The following UBN2 variants were observed in gnomAD, a reference collection of about 807,000 sequenced individuals.
The protein encoded by UBN2 is ubinuclein-2.
A neutral mutation model predicts 120.2 loss-of-function variants in UBN2; 35 were observed. The ratio of observed to expected loss-of-function variants is 0.29; its 90% confidence interval spans 0.22 to 0.39. The LOEUF is 0.39. Ranked by LOEUF, UBN2 falls within the 10% of genes least tolerant of loss-of-function variation. UBN2 has a pLI of 1.00. For missense variants in UBN2, 1,693 were observed against 1,663.2 expected (o/e 1.02, Z -0.31); for synonymous variants, 661 against 648.7 (o/e 1.02, Z -0.29).
intron 2 of UBN2, among the ~76,000 whole-genome samples, chr7:139,238,243 C>T (rs1796217060): frequency 6.6e-6 from 1 of 152,062 alleles, no homozygotes; most frequent in South Asian, 2.1e-4. Flanking sequence ...GGCCTTGTAC[C>T]CTCAAGATAC....
chr7:139,266,235 A>AG (rs1030151127), intron 6 of UBN2, 98 bp from the exon 7 acceptor site: 1 of 774,064 alleles, frequency 1.3e-6, no homozygotes, highest in African/African-American at 1.8e-5. Flanking sequence ...TCAAAAAAAA[A>AG]AAAAAAAAAA....
At position 139,297,316 on chromosome 7, in the gene UBN2, A is replaced by C. The variant is rs1798137273; in HGVS notation, c.3995-471A>C. ...TTTCACTACAGATGAAAAGTTTGCT[A>C]CGTTTGTTTACACAAATAATCAGGA... On this transcript the variant is annotated intron_variant, in intron 17 of 17. Transcript: ENST00000473989. 2.6e-5 allele frequency among the ~76,000 whole-genome samples: 4 copies of C among 152,114 alleles called. No individual in the cohort carries two copies. The South Asian group carries it at 8.3e-4, about 32-fold the overall frequency.
Position 139,302,129 on chromosome 7 carries a change from A to G in UBN2, c.*4293A>G, listed in dbSNP as rs1387597050. On this transcript the variant is annotated 3_prime_UTR_variant, in exon 18 of 18. Coordinates refer to ENST00000473989, the MANE Select transcript of UBN2 (RefSeq NM_173569.4). ...TCCTCTCTTTTGAAACTGTTGTCAC[A>G]TTATCTTAAAGTACAGACTGATAAG... 1 of 152,010 alleles carries G rather than the reference A, an allele frequency of 6.6e-6. No individual in the cohort carries two copies. The highest frequency in any genetic ancestry group is 1.5e-5 in the Non-Finnish European group (1 of 68,022). 9.4% of individuals were successfully genotyped at this position (152,010 alleles called of 1,614,324 possible).
chr7:139,274,784 A>G (rs1237033116), intron 11 of UBN2, among the ~76,000 whole-genome samples: 3 of 151,596 alleles, frequency 2.0e-5, no homozygotes, highest in East Asian at 2.0e-4. Flanking sequence ...AAAGAAAAAG[A>G]AAAAAGAAAA....
downstream of UBN2, among the ~76,000 whole-genome samples, chr7:139,309,007 C>A (rs1220495113): frequency 6.6e-6 from 1 of 152,108 alleles, no homozygotes; most frequent in African/African-American, 2.4e-5. Context: ...GAGTCAGAAC[C>A]AGTGAGCCGA....
At chr7:139,293,485 G>A in intron 16 of UBN2, 22 bp downstream of exon 16, 1 of 1,606,536 alleles carries the variant, frequency 6.2e-7, no homozygotes, top group Non-Finnish European at 8.5e-7. Context: ...TCTTCTATTT[G>A]GTTGGGCTGT....
In UBN2 at chr7:139,251,925, C is replaced by G. The variant is rs150825186; in HGVS notation, c.562-31C>G. ...AACTTTATGGAAACAGCATGAGTACCAAATCAGTCTAATGTATCTGTTCTT... is the reference window on the plus strand; with the variant it reads ...AACTTTATGGAAACAGCATGAGTACGAAATCAGTCTAATGTATCTGTTCTT... On this transcript the variant is annotated intron_variant, in intron 2 of 17. Transcript: ENST00000473989. 531 of 1,593,138 alleles carry G rather than the reference C, an allele frequency of 3.3e-4. 2 individuals carry two copies. The African/African-American group carries it at 6.5e-3, about 19-fold the overall frequency.
At chr7:139,274,629 G>A (rs1797385837) in intron 11 of UBN2, among the ~76,000 whole-genome samples, 1 of 152,016 alleles carries the variant, frequency 6.6e-6, no homozygotes, top group Non-Finnish European at 1.5e-5. Context: ...AGGCGTGGTG[G>A]CGCATGCCTG....
At chr7:139,293,205 G>C in intron 15 of UBN2, 27 bp from the exon 16 acceptor site, 1 of 1,585,998 alleles carries the variant, frequency 6.3e-7, no homozygotes, top group Non-Finnish European at 8.7e-7. Flanking sequence ...TATTTCTTAT[G>C]TATTTTGACC....
intron 2 of UBN2, among the ~76,000 whole-genome samples, chr7:139,241,450 A>T (rs529143346): frequency 6.6e-6 from 1 of 152,220 alleles, no homozygotes; most frequent in Non-Finnish European, 1.5e-5. Context: ...AAATCTGCTT[A>T]CTGTGCTATA....
chr7:139,305,687 T>G lies in UBN2; in HGVS notation c.*7851T>G, dbSNP rs1225621319. On this transcript the variant is annotated 3_prime_UTR_variant, in exon 18 of 18. Coordinates refer to ENST00000473989, the MANE Select transcript of UBN2 (RefSeq NM_173569.4). ...AATGCTTTTCAGAATCGCAGTAGTA[T>G]TATTAGGGTCTCTGTGTCTAGGACT... 3 of 152,182 alleles carry G rather than the reference T, an allele frequency of 2.0e-5. No homozygotes were observed. The highest frequency in any genetic ancestry group is 4.4e-5 in the Non-Finnish European group (3 of 68,042). 9.4% of individuals were successfully genotyped at this position (152,182 alleles called of 1,614,324 possible). A position where few individuals can be genotyped will look rare whatever the true frequency, so the allele number is the denominator to read the frequency against.
intron 3 of UBN2, among the ~76,000 whole-genome samples, chr7:139,255,551 T>C (rs921258264): frequency 6.6e-5 from 10 of 152,196 alleles, no homozygotes; most frequent in Non-Finnish European, 1.3e-4. Context: ...GTTCCTGTTT[T>C]ATAAGAAGAA....
chr7:139,280,634 CTTCTTT>C (rs1014652348), intron 13 of UBN2, among the ~76,000 whole-genome samples: 11 of 151,820 alleles, frequency 7.2e-5, no homozygotes, highest in African/African-American at 2.4e-4. Context: ...GGTAAATAGT[CTTCTTT>C]TTCTTTTTCT....
downstream of UBN2, among the ~76,000 whole-genome samples, chr7:139,310,808 A>T (rs989680557): frequency 2.6e-5 from 4 of 152,224 alleles, no homozygotes; most frequent in Non-Finnish European, 5.9e-5. Context: ...GCATACGTAT[A>T]CACTGTATCT....
At chr7:139,320,795 G>T in the UBN2 span, among the ~76,000 whole-genome samples, 1 of 151,342 alleles carries the variant, frequency 6.6e-6, no homozygotes, top group African/African-American at 2.4e-5. Flanking sequence ...GGCGGAGGTT[G>T]CAGTGAGCCA....
Position 139,269,419 on chromosome 7 carries a change from G to A in UBN2, c.1492G>A (p.Gly498Ser). The A allele has an allele frequency of 2.5e-6, 4 of 1,614,014 alleles. No homozygotes were observed. Among genetic ancestry groups the A allele is most frequent in the Non-Finnish European group, 3.4e-6 (4 of 1,180,000 alleles). ...CATTGAGTTACAGCTACAAGAACTA[G>A]GCCCTGTCATTCGCAGTGGTGTCTA... ...LDIELQLQEL[G>S]PVIRSGVYSH... Residue 498 changes from glycine (G) to serine (S), a missense_variant, in exon 8 of 18, where the codon GGC (glycine) becomes AGC (serine). Gly to Ser is a moderately conservative substitution (Grantham distance 56). Coordinates refer to ENST00000473989, the MANE Select transcript of UBN2 (RefSeq NM_173569.4).
chr7:139,245,092 C>G (rs992339912), intron 2 of UBN2, among the ~76,000 whole-genome samples: 1 of 148,578 alleles, frequency 6.7e-6, no homozygotes, highest in African/African-American at 2.5e-5. Flanking sequence ...CATCACCATG[C>G]CCAGCTTTTT....
chr7:139,297,899 G>A lies in UBN2; in HGVS notation c.*63G>A. 6.4e-7 allele frequency: 1 copy of A among 1,558,624 alleles called. No individual in the cohort carries two copies. Among genetic ancestry groups the A allele is most frequent in the Non-Finnish European group, 8.8e-7 (1 of 1,130,232 alleles). On this transcript the variant is annotated 3_prime_UTR_variant, in exon 18 of 18. Coordinates refer to ENST00000473989, the MANE Select transcript of UBN2 (RefSeq NM_173569.4). ...CTGATGGAATCTACCTGATGGGAAA[G>A]TACTTATGTGGTCATAGGGCTGCTG... is the stretch of plus-strand genomic sequence containing the variant.
chr7:139,269,657 A>G (rs1797203432), intron 8 of UBN2, 134 bp downstream of exon 8: 9 of 970,744 alleles, frequency 9.3e-6, no homozygotes, highest in Non-Finnish European at 1.3e-5. Flanking sequence ...GGAGGTTATT[A>G]AAAGTATGTT....
Sources: gnomAD v4.1 joint callset for allele counts (sites outside exome capture counted in the v4.1 genomes callset) on GRCh38, gnomAD v4.1.1 for gene constraint, MANE v1.5 for transcripts, NCBI Gene and HGNC (gene_info 2026-07-23, HGNC 2026-07-21) for gene names.